The following GAP43 variants were observed in gnomAD, a reference collection of about 807,000 sequenced individuals.
GAP43 encodes the protein growth associated protein 43.
In GAP43, 6 loss-of-function variants were observed where a neutral mutation model predicts 18.6. The ratio of observed to expected loss-of-function variants is 0.32; its 90% CI spans 0.18 to 0.64. The LOEUF (loss-of-function observed/expected upper bound fraction) is 0.64, where lower values mean the gene tolerates loss of function less well. Ranked by LOEUF, GAP43 falls within the 30% of genes least tolerant of loss-of-function variation. The pLI, the probability that GAP43 is intolerant of heterozygous loss-of-function variation, is 0.78. For synonymous variants in GAP43, 115 were observed against 111.4 expected (o/e 1.03, Z -0.20); for missense variants, 292 against 295.5 (o/e 0.99, Z 0.09).
intron 2 of GAP43, among the ~76,000 whole-genome samples, chr3:115,697,541 C>T (rs1487741257): frequency 6.6e-6 from 1 of 152,150 alleles, no homozygotes; most frequent in Non-Finnish European, 1.5e-5. Context: ...GGCACTGGCC[C>T]CTTGTTTTAG....
chr3:115,701,115 T>C (rs1709292283), intron 2 of GAP43, among the ~76,000 whole-genome samples: 3 of 152,174 alleles, frequency 2.0e-5, no homozygotes. Flanking sequence ...GTTCATATTA[T>C]GATCTGTCAG....
Position 115,676,239 on chromosome 3 carries a change from C to G in GAP43, c.257C>G (p.Thr86Ser). Reference sequence around the variant, plus strand: ...GTGGAGAAGAAGGGAGAAGGCACCACTACTGCCGAAGCAGCCCCAGCCACT... The same window carrying G: ...GTGGAGAAGAAGGGAGAAGGCACCAGTACTGCCGAAGCAGCCCCAGCCACT... ...DGVEKKGEGT[T>S]TAEAAPATGS... is the part of the protein sequence containing the mutation. Residue 86 changes from threonine to serine, a missense_variant, in exon 2 of 3, where the codon ACT (threonine) becomes AGT (serine). Thr to Ser is a moderately conservative substitution (Grantham distance 58). Transcript: ENST00000305124. 1 of 1,614,182 alleles carries G rather than the reference C, an allele frequency of 6.2e-7. No individual in the cohort carries two copies. Among genetic ancestry groups the G allele is most frequent in the Non-Finnish European group, 8.5e-7 (1 of 1,180,040 alleles).
At chr3:115,653,045 G>A (rs1443290388) in intron 1 of GAP43, among the ~76,000 whole-genome samples, 1 of 152,216 alleles carries the variant, frequency 6.6e-6, no homozygotes, top group Non-Finnish European at 1.5e-5. Context: ...ACACTCAAAT[G>A]AGAGGGAAGG....
intron 2 of GAP43, among the ~76,000 whole-genome samples, chr3:115,713,206 T>C (rs1335051521): frequency 6.6e-6 from 1 of 152,154 alleles, no homozygotes; most frequent in African/African-American, 2.4e-5. Context: ...TTTGAGCTTT[T>C]GAGGTGATGA....
At chr3:115,634,033 G>A (rs1207425514) in intron 1 of GAP43, among the ~76,000 whole-genome samples, 1 of 152,032 alleles carries the variant, frequency 6.6e-6, no homozygotes, top group African/African-American at 2.4e-5. Context: ...GTAGAATATT[G>A]GTAATTAGCC....
chr3:115,711,247 C>T (rs1042364197), intron 2 of GAP43, among the ~76,000 whole-genome samples: 5 of 151,950 alleles, frequency 3.3e-5, no homozygotes, highest in Admixed American at 1.3e-4. Context: ...TGTGTGTGCA[C>T]GTGCACGCAT....
chr3:115,642,890 A>G (rs12630234), intron 1 of GAP43, among the ~76,000 whole-genome samples: 1 of 151,954 alleles, frequency 6.6e-6, no homozygotes, highest in East Asian at 1.9e-4. Context: ...TTTTAGGGGT[A>G]TATGTGTGTG....
intron 1 of GAP43, among the ~76,000 whole-genome samples, chr3:115,627,838 T>C (rs1176759640): frequency 6.6e-6 from 1 of 152,178 alleles, no homozygotes; most frequent in African/African-American, 2.4e-5. Context: ...CTTTTGTACC[T>C]TTGTAATTAA....
intron 1 of GAP43, among the ~76,000 whole-genome samples, chr3:115,642,540 G>C (rs1331408546): frequency 1.3e-5 from 2 of 151,794 alleles, no homozygotes; most frequent in Admixed American, 1.3e-4. Context: ...ATCTCAGGTA[G>C]TATTTTCCTA....
At chr3:115,629,522 C>T (rs1266860935) in intron 1 of GAP43, among the ~76,000 whole-genome samples, 5 of 152,002 alleles carry the variant, frequency 3.3e-5, no homozygotes, top group Non-Finnish European at 2.9e-5. Context: ...AATATTCCCA[C>T]TTTCCCTGCA....
intron 2 of GAP43, among the ~76,000 whole-genome samples, chr3:115,689,188 C>T (rs974786123): frequency 1.6e-4 from 24 of 152,200 alleles, no homozygotes; most frequent in African/African-American, 5.1e-4. Flanking sequence ...CTGCACTACC[C>T]CTACCAATGC....
chr3:115,658,266 T>C (rs531539880), intron 1 of GAP43, among the ~76,000 whole-genome samples: 1 of 152,062 alleles, frequency 6.6e-6, no homozygotes, highest in Non-Finnish European at 1.5e-5. Context: ...TTTTCCTAAG[T>C]AGGGCTGGTT....
chr3:115,714,484 C>T (rs1709476894), intron 2 of GAP43, among the ~76,000 whole-genome samples: 1 of 152,072 alleles, frequency 6.6e-6, no homozygotes, highest in South Asian at 2.1e-4. Context: ...TAAATCGTGG[C>T]ACAGCAAGAG....
At chr3:115,655,760 T>C (rs1022414471) in intron 1 of GAP43, among the ~76,000 whole-genome samples, 1 of 152,238 alleles carries the variant, frequency 6.6e-6, no homozygotes, top group Non-Finnish European at 1.5e-5. Context: ...AATGACATTA[T>C]GCAAAACTGG....
intron 2 of GAP43, among the ~76,000 whole-genome samples, chr3:115,712,636 C>T (rs283366): frequency 2.6e-5 from 4 of 151,894 alleles, no homozygotes; most frequent in Non-Finnish European, 5.9e-5. Context: ...AGGTAGGGCA[C>T]GCATTATTAT....
intron 2 of GAP43, among the ~76,000 whole-genome samples, chr3:115,713,304 C>T (rs1328598151): frequency 2.6e-5 from 4 of 152,130 alleles, no homozygotes; most frequent in Admixed American, 6.5e-5. Context: ...GTGGGCATGG[C>T]CCCAGGATGA....
chr3:115,656,742 G>T (rs905167530), intron 1 of GAP43, among the ~76,000 whole-genome samples: 3 of 152,062 alleles, frequency 2.0e-5, no homozygotes, highest in Non-Finnish European at 1.5e-5. Flanking sequence ...ATTTCAAAAA[G>T]AAATTGTTAA....
chr3:115,652,371 TTTTTTTTTTTTTTTG>T (rs1708530129), intron 1 of GAP43, among the ~76,000 whole-genome samples: 3 of 121,118 alleles, frequency 2.5e-5, no homozygotes, highest in African/African-American at 9.7e-5. Context: ...TTTTTTTTTT[TTTTTTTTTTTTTTTG>T]TGATAGAGTC....
At chr3:115,697,474 C>G (rs1709209955) in intron 2 of GAP43, among the ~76,000 whole-genome samples, 1 of 152,166 alleles carries the variant, frequency 6.6e-6, no homozygotes, top group Non-Finnish European at 1.5e-5. Context: ...CTCCTAATGA[C>G]CGGAAGATGA....
Sources: gnomAD v4.1 joint callset for allele counts (sites outside exome capture counted in the v4.1 genomes callset) on GRCh38, gnomAD v4.1.1 for gene constraint, MANE v1.5 for transcripts, NCBI Gene and HGNC (gene_info 2026-07-23, HGNC 2026-07-21) for gene names.